The following ADAMTS6 variants were observed in gnomAD, a reference collection of about 807,000 sequenced individuals.
ADAMTS6 encodes ADAM metallopeptidase with thrombospondin type 1 motif 6.
ADAMTS6 carries 23 observed loss-of-function variants against 144.3 expected under a neutral mutation model. The ratio of observed to expected loss-of-function variants is 0.16; its 90% CI spans 0.11 to 0.23. ADAMTS6 has a LOEUF of 0.23. ADAMTS6 is among the 10% of genes least tolerant of loss of function. The pLI is 1.00. For synonymous variants in ADAMTS6, 444 were observed against 457.5 expected (o/e 0.97, Z 0.38); for missense variants, 999 against 1,379.6 (o/e 0.72, Z 4.37).
At position 65,407,829 on chromosome 5, in the gene ADAMTS6, C is replaced by G. The variant is rs569393430; in HGVS notation, c.1073+43646G>C. Among the ~76,000 whole-genome samples the G allele has an allele frequency of 5.3e-5, 8 of 152,024 alleles. No homozygotes were observed. The South Asian group carries it at 1.0e-3, about 20-fold the overall frequency. ...TTTATTGCGGCACTATTCACAATAG[C>G]AAAGACTTGGAATCAACATTATTAA... is the stretch of plus-strand genomic sequence containing the variant. On this transcript the variant is annotated intron_variant, in intron 7 of 24. Coordinates refer to ENST00000381055, the MANE Select transcript of ADAMTS6 (RefSeq NM_197941.4).
intron 7 of ADAMTS6, among the ~76,000 whole-genome samples, chr5:65,375,435 C>G (rs1259893710): frequency 6.6e-6 from 1 of 151,726 alleles, no homozygotes; most frequent in East Asian, 1.9e-4. Flanking sequence ...ACAACCCCAT[C>G]AAAAAGTGGG....
intron 7 of ADAMTS6, among the ~76,000 whole-genome samples, chr5:65,401,817 G>C (rs1413396333): frequency 2.6e-5 from 4 of 152,244 alleles, no homozygotes; most frequent in Middle Eastern, 3.4e-3. Flanking sequence ...TGTTAGGATA[G>C]AGTGGCAACT....
chr5:65,203,666 T>C lies in ADAMTS6; in HGVS notation c.2576-6515A>G, dbSNP rs1481309675. Reference sequence around the variant, plus strand: ...TATACAAACTGTATAGCTTTTAAACTAAAAATCTTCATTTTCTTCAACTAA... The same window carrying C: ...TATACAAACTGTATAGCTTTTAAACCAAAAATCTTCATTTTCTTCAACTAA... On this transcript the variant is annotated intron_variant, in intron 20 of 24. Transcript: ENST00000381055. 2.0e-5 allele frequency among the ~76,000 whole-genome samples: 3 copies of C among 152,170 alleles called. No homozygotes were observed. The East Asian group carries it at 5.8e-4, about 29-fold the overall frequency.
chr5:65,173,767 G>A (rs1205875440), intron 22 of ADAMTS6, among the ~76,000 whole-genome samples: 4 of 152,172 alleles, frequency 2.6e-5, no homozygotes, highest in African/African-American at 9.7e-5. Context: ...GCTTACGCCT[G>A]TAATCCCAGC....
At chr5:65,174,368 C>A (rs1029601279) in intron 22 of ADAMTS6, among the ~76,000 whole-genome samples, 11 of 152,190 alleles carry the variant, frequency 7.2e-5, no homozygotes, top group Admixed American at 6.5e-4. Flanking sequence ...GTGGCTTAGG[C>A]CTGCCCTGTG....
At position 65,188,027 on chromosome 5, in the gene ADAMTS6, C is replaced by G; in HGVS notation, c.2899G>C (p.Asp967His). The G allele has an allele frequency of 6.2e-7, 1 of 1,614,084 alleles. No homozygotes were observed. Among genetic ancestry groups the G allele is most frequent in the South Asian group, 1.1e-5 (1 of 91,072 alleles). ...TCAGATTTCCTTACCTCAGACCAGTCCAAAGCCACCCACTGTGGTGGACAT... is the reference window on the plus strand; with the variant it reads ...TCAGATTTCCTTACCTCAGACCAGTGCAAAGCCACCCACTGTGGTGGACAT... ...QSCPPQWVAL[D>H]WSECTPKCGP... The change falls in exon 22 of 25, where the codon GAC (aspartate) becomes CAC (histidine). Residue 967 changes from aspartate (D) to histidine (H), a missense_variant. By Grantham distance (81) the Asp-to-His change is moderately conservative. Transcript: ENST00000381055.
intron 11 of ADAMTS6, among the ~76,000 whole-genome samples, chr5:65,289,632 T>C (rs992008707): frequency 3.5e-4 from 54 of 152,334 alleles, no homozygotes; most frequent in South Asian, 2.1e-4. Context: ...GAATTAGATA[T>C]ATAGATATAG....
intron 7 of ADAMTS6, among the ~76,000 whole-genome samples, chr5:65,342,009 A>G (rs1359040819): frequency 2.0e-5 from 3 of 152,218 alleles, no homozygotes; most frequent in Admixed American, 2.0e-4. Context: ...AATGAGATTT[A>G]TCACAGGAAT....
chr5:65,224,666 C>A (rs1474957638), intron 17 of ADAMTS6, among the ~76,000 whole-genome samples: 1 of 152,156 alleles, frequency 6.6e-6, no homozygotes. Context: ...TCAGCACATG[C>A]CCCTCATATC....
intron 7 of ADAMTS6, among the ~76,000 whole-genome samples, chr5:65,408,757 T>A (rs879102819): frequency 6.6e-6 from 1 of 152,064 alleles, no homozygotes; most frequent in South Asian, 2.1e-4. Context: ...AAGTAAAGCA[T>A]TCCTCAGCAA....
At position 65,269,155 on chromosome 5, in the gene ADAMTS6, T is replaced by G. The variant is rs573979461; in HGVS notation, c.1620+4185A>C. 3.3e-5 allele frequency among the ~76,000 whole-genome samples: 5 copies of G among 152,352 alleles called. No individual in the cohort carries two copies. The South Asian group carries it at 1.0e-3, about 32-fold the overall frequency. On this transcript the variant is annotated intron_variant, in intron 12 of 24. Transcript: ENST00000381055. Reference sequence around the variant, plus strand: ...TTTTCTGCCCACCATCATTTAAGGTTGGCAAATAACAATGAAAAGTATTGA... The same window carrying G: ...TTTTCTGCCCACCATCATTTAAGGTGGGCAAATAACAATGAAAAGTATTGA...
intron 15 of ADAMTS6, among the ~76,000 whole-genome samples, chr5:65,229,142 C>G (rs147191273): frequency 1.7e-3 from 265 of 152,230 alleles, no homozygotes; most frequent in African/African-American, 5.7e-3. Flanking sequence ...TAGGGAACCA[C>G]CCTAGAAAAA....
At chr5:65,436,158 G>C (rs553256261) in intron 7 of ADAMTS6, among the ~76,000 whole-genome samples, 4 of 151,948 alleles carry the variant, frequency 2.6e-5, no homozygotes, top group Admixed American at 6.6e-5. Context: ...TGAAGAGCTC[G>C]AGACCAACCT....
intron 7 of ADAMTS6, among the ~76,000 whole-genome samples, chr5:65,378,800 T>C (rs1751781823): frequency 6.6e-6 from 1 of 152,208 alleles, no homozygotes; most frequent in Non-Finnish European, 1.5e-5. Context: ...ATTAAGCTTC[T>C]AACTCTGAAT....
At chr5:65,180,004 A>T (rs1413360282) in intron 22 of ADAMTS6, among the ~76,000 whole-genome samples, 1 of 151,876 alleles carries the variant, frequency 6.6e-6, no homozygotes, top group African/African-American at 2.4e-5. Context: ...CCAGCTGAGG[A>T]CTCTGAGTAA....
chr5:65,327,845 T>C (rs534275060), intron 9 of ADAMTS6, among the ~76,000 whole-genome samples: 129 of 152,326 alleles, frequency 8.5e-4, no homozygotes, highest in Middle Eastern at 3.4e-3. Context: ...CATAAGATAA[T>C]AGTGTTTTCA....
At chr5:65,458,950 T>G (rs1025094635) in intron 4 of ADAMTS6, among the ~76,000 whole-genome samples, 1 of 152,200 alleles carries the variant, frequency 6.6e-6, no homozygotes, top group Non-Finnish European at 1.5e-5. Flanking sequence ...GGTTGGGTAA[T>G]TCGTCCTATG....
chr5:65,179,466 G>T (rs899228356), intron 22 of ADAMTS6, among the ~76,000 whole-genome samples: 1 of 152,044 alleles, frequency 6.6e-6, no homozygotes, highest in Non-Finnish European at 1.5e-5. Context: ...AAGAAAAAGG[G>T]GTGCCCAAAC....
chr5:65,469,586 A>G (rs1760278365), intron 3 of ADAMTS6, among the ~76,000 whole-genome samples: 1 of 152,198 alleles, frequency 6.6e-6, no homozygotes, highest in African/African-American at 2.4e-5. Context: ...TAATGAGTAT[A>G]CTCAATTTGT....
Sources: allele counts gnomAD v4.1 joint callset (sites outside exome capture counted in the v4.1 genomes callset), GRCh38; gene constraint gnomAD v4.1.1; transcripts MANE v1.5; gene names NCBI Gene and HGNC (gene_info 2026-07-23, HGNC 2026-07-21).